TRPM7: variants seen among roughly 807,000 people sequenced by gnomAD.
TRPM7 encodes the protein transient receptor potential cation channel subfamily M member 7.
TRPM7 carries 134 observed loss-of-function variants against 229.7 expected under a neutral mutation model. The observed-to-expected ratio is 0.58, with a 90% CI of 0.51 to 0.67. The LOEUF (loss-of-function observed/expected upper bound fraction) is 0.67. Among genes scored for constraint, TRPM7 ranks in the 30% least tolerant of loss-of-function variants. TRPM7 has a pLI of 0.00. For missense variants in TRPM7, 1,901 were observed against 2,210.0 expected, an observed-to-expected ratio of 0.86 and a Z score of 2.80; for synonymous variants, 699 against 715.2, an observed-to-expected ratio of 0.98 and a Z score of 0.36.
chr15:50,587,433 G>A (rs1456695028), intron 27 of TRPM7, among the ~76,000 whole-genome samples: 1 of 117,306 alleles, frequency 8.5e-6, no homozygotes, highest in Non-Finnish European at 1.7e-5. Context: ...TTGAGATGGA[G>A]TCTTGCTCCA....
intron 7 of TRPM7, among the ~76,000 whole-genome samples, chr15:50,636,188 C>CTTT (rs535332848): frequency 7.3e-6 from 1 of 136,470 alleles, no homozygotes; most frequent in Non-Finnish European, 1.6e-5. Flanking sequence ...CAATTCTTAA[C>CTTT]TTTTTTTTTT....
At chr15:50,662,720 T>G (rs1202194750) in intron 2 of TRPM7, among the ~76,000 whole-genome samples, 3 of 152,160 alleles carry the variant, frequency 2.0e-5, no homozygotes, top group African/African-American at 4.8e-5. Flanking sequence ...TGAGGGAGTT[T>G]AGAGATGGAG....
chr15:50,574,632 T>C lies in TRPM7; in HGVS notation c.5102+5A>G. On this transcript the variant is annotated splice_donor_5th_base_variant and intron_variant, in intron 35 of 38. Transcript: ENST00000646667. ...AAAGATCCCAGAAAAAAATTAAAGA[T>C]TTACCTTGGAGAATATGGTATGGAT... 6.2e-7 allele frequency: 1 copy of C among 1,607,348 alleles called. No individual in the cohort carries two copies. Among genetic ancestry groups the C allele is most frequent in the South Asian group, 1.1e-5 (1 of 89,058 alleles).
intron 1 of TRPM7, among the ~76,000 whole-genome samples, chr15:50,673,025 A>G (rs1177346278): frequency 6.6e-6 from 1 of 151,506 alleles, no homozygotes; most frequent in Non-Finnish European, 1.5e-5. Context: ...TAAAATGTTT[A>G]CAAATCTGTT....
In TRPM7 at chr15:50,609,812, G is replaced by A; in HGVS notation, c.2430C>T (p.Ile810=). Residue 810 remains isoleucine, a synonymous_variant, in exon 18 of 39, where the codon ATC becomes ATT. Coordinates refer to ENST00000646667, the MANE Select transcript of TRPM7 (RefSeq NM_017672.6). ...ENNFQNITEE[I]PMEVFKEVRI... The stretch of plus-strand genomic sequence containing the variant: ...AAAATGTTTTCCTGCTTACCATGGG[G>A]ATCTCTTCTGTTATGTTCTGAAAGT... 6.2e-7 allele frequency: 1 copy of A among 1,609,296 alleles called. No individual in the cohort carries two copies. The highest frequency in any genetic ancestry group is 8.5e-7 in the Non-Finnish European group (1 of 1,178,450).
chr15:50,577,989 T>C (rs2054217942), intron 31 of TRPM7, among the ~76,000 whole-genome samples: 1 of 152,176 alleles, frequency 6.6e-6, no homozygotes, highest in Non-Finnish European at 1.5e-5. Context: ...TTCATTTATA[T>C]AGCCAATATG....
Position 50,686,662 on chromosome 15 carries a change from A to T in TRPM7, c.-129T>A. ...CCGCCGGACAAGGAACGCCCAGGGAAACCTTCTCAGAACTAACTCAGCTCC... is the reference window on the plus strand; with the variant it reads ...CCGCCGGACAAGGAACGCCCAGGGATACCTTCTCAGAACTAACTCAGCTCC... On this transcript the variant is annotated 5_prime_UTR_variant, in exon 1 of 39. Transcript: ENST00000646667. 7.5e-7 allele frequency: 1 copy of T among 1,341,222 alleles called. No individual in the cohort carries two copies. Among genetic ancestry groups the T allele is most frequent in the Non-Finnish European group, 1.0e-6 (1 of 985,016 alleles). 83.1% of individuals were successfully genotyped at this position (1,341,222 alleles called of 1,614,324 possible).
intron 1 of TRPM7, among the ~76,000 whole-genome samples, chr15:50,683,322 A>G (rs1281325208): frequency 6.6e-6 from 1 of 152,162 alleles, no homozygotes; most frequent in Non-Finnish European, 1.5e-5. Flanking sequence ...TAATAGATCA[A>G]TGACAAAAAC....
intron 12 of TRPM7, among the ~76,000 whole-genome samples, chr15:50,623,491 CCT>C (rs58940038): frequency 0.33 from 46,178 of 139,890 alleles, 9,440 homozygotes; most frequent in Admixed American, 0.47. Flanking sequence ...TGCCCCGCCC[CCT>C]CCCCGCCCCG....
intron 12 of TRPM7, among the ~76,000 whole-genome samples, chr15:50,623,402 T>G (rs1277330720): frequency 2.2e-5 from 3 of 137,752 alleles, no homozygotes; most frequent in South Asian, 2.4e-4. Context: ...CAGAGCGAGA[T>G]TCTGTCAAAA....
intron 4 of TRPM7, among the ~76,000 whole-genome samples, chr15:50,648,325 C>T (rs1261415757): frequency 6.6e-6 from 1 of 151,564 alleles, no homozygotes; most frequent in Non-Finnish European, 1.5e-5. Context: ...AAATAGATAA[C>T]TAATAACATA....
In TRPM7 at chr15:50,646,070, T is replaced by A. The variant is rs1191155818; in HGVS notation, c.322-2517A>T. Reference sequence around the variant, plus strand: ...AGGCAGAGGTTGCAGTGAGCTGAGATCGCGCCACTGCACTCCAGCCTGGGC... The same window carrying A: ...AGGCAGAGGTTGCAGTGAGCTGAGAACGCGCCACTGCACTCCAGCCTGGGC... On this transcript the variant is annotated intron_variant, in intron 4 of 38. Coordinates refer to ENST00000646667, the MANE Select transcript of TRPM7 (RefSeq NM_017672.6). Among the ~76,000 whole-genome samples the A allele has an allele frequency of 2.8e-5, 4 of 145,094 alleles. No individual in the cohort carries two copies. In the Admixed American group the frequency reaches 2.8e-4, roughly 10 times the overall value.
chr15:50,667,889 C>G (rs1287504828), intron 1 of TRPM7, among the ~76,000 whole-genome samples: 1 of 152,084 alleles, frequency 6.6e-6, no homozygotes, highest in Non-Finnish European at 1.5e-5. Context: ...GTTTGGCTTT[C>G]TTTGGGTTGC....
intron 23 of TRPM7, 73 bp from the exon 24 acceptor site, chr15:50,594,686 C>A (rs2059590509): frequency 2.0e-6 from 2 of 1,008,608 alleles, no homozygotes; most frequent in South Asian, 1.9e-5. Context: ...CTGATGATTT[C>A]ATTGTAATTC....
chr15:50,640,990 T>C (rs2061085270), intron 5 of TRPM7, among the ~76,000 whole-genome samples: 1 of 152,214 alleles, frequency 6.6e-6, no homozygotes, highest in Non-Finnish European at 1.5e-5. Flanking sequence ...CAGTCTGTGA[T>C]ATTTGGTTAC....
At chr15:50,599,056 TA>T in intron 22 of TRPM7, 65 bp downstream of exon 22, 4 of 1,225,710 alleles carry the variant, frequency 3.3e-6, no homozygotes, top group Non-Finnish European at 4.5e-6. Flanking sequence ...AATATTACTA[TA>T]ATTCAATATT....
intron 1 of TRPM7, among the ~76,000 whole-genome samples, chr15:50,682,167 C>A (rs2140987786): frequency 3.8e-5 from 1 of 26,100 alleles, no homozygotes. Context: ...GAGCAAAACT[C>A]AGTCTCAAAA....
At chr15:50,615,892 G>C (rs180866144) in intron 13 of TRPM7, among the ~76,000 whole-genome samples, 2 of 151,842 alleles carry the variant, frequency 1.3e-5, no homozygotes, top group African/African-American at 4.8e-5. Context: ...GCGAAACTCC[G>C]TCTCAAAAAA....
intron 38 of TRPM7, 24 bp from the exon 39 acceptor site, chr15:50,561,832 T>TA (rs75278275): frequency 0.056 from 71,923 of 1,275,702 alleles, 935 homozygotes; most frequent in African/African-American, 0.19. Flanking sequence ...CCACAACAAT[T>TA]AAAAAAAAAA....
Sources: allele counts gnomAD v4.1 joint callset (sites outside exome capture counted in the v4.1 genomes callset), GRCh38; gene constraint gnomAD v4.1.1; transcripts MANE v1.5; gene names NCBI Gene and HGNC (gene_info 2026-07-23, HGNC 2026-07-21).